Variants in TNFSF8 observed in about 807,000 individuals in gnomAD.
TNFSF8 encodes tumor necrosis factor ligand superfamily member 8.
A neutral mutation model predicts 22.0 loss-of-function variants in TNFSF8; 4 were observed. The observed-to-expected ratio is 0.18, with a 90% confidence interval of 0.09 to 0.42. The LOEUF is 0.42. Among genes scored for constraint, TNFSF8 ranks in the 10% least tolerant of loss-of-function variants. TNFSF8 has a pLI of 1.00. For synonymous variants in TNFSF8, 106 were observed against 112.5 expected, an observed-to-expected ratio of 0.94 and a Z score of 0.37; for missense variants, 233 against 281.8, an observed-to-expected ratio of 0.83 and a Z score of 1.24.
chr9:114,930,286 C>A lies in TNFSF8; in HGVS notation c.18G>T (p.Gln6His). Residue 6 changes from glutamine to histidine, a missense_variant, in exon 1 of 4, where the codon CAG becomes CAT. Transcript: ENST00000223795. MDPGL[Q>H]QALNGMAPPG... ...GAGGGGCCATTCCGTTGAGTGCTTGCTGCAGCCCTGGGTCCATTCTTTATA... is the reference window on the plus strand; with the variant it reads ...GAGGGGCCATTCCGTTGAGTGCTTGATGCAGCCCTGGGTCCATTCTTTATA... 1 of 1,584,972 alleles carries A rather than the reference C, an allele frequency of 6.3e-7. No individual in the cohort carries two copies. Among genetic ancestry groups the A allele is most frequent in the South Asian group, 1.1e-5 (1 of 87,814 alleles).
At position 114,903,825 on chromosome 9, in the gene TNFSF8, G is replaced by C; in HGVS notation, c.*106C>G. ...GGAGAAGTATACTATTTAATACCCT[G>C]TGTAGTTTGTCTTGGTCTAAAGTTT... On this transcript the variant is annotated 3_prime_UTR_variant, in exon 4 of 4. Transcript: ENST00000223795. 12 of 1,509,260 alleles carry C rather than the reference G, an allele frequency of 8.0e-6. No homozygotes were observed. Among genetic ancestry groups the C allele is most frequent in the Non-Finnish European group, 9.7e-6 (11 of 1,136,722 alleles). The allele number at this position is 1,509,260 out of a possible 1,614,324, so 93.5% of individuals were successfully genotyped here.
In TNFSF8 at chr9:114,903,372, GA is replaced by G. The variant is rs1468817799; in HGVS notation, c.*558del. On this transcript the variant is annotated 3_prime_UTR_variant, in exon 4 of 4. Coordinates refer to ENST00000223795, the MANE Select transcript of TNFSF8 (RefSeq NM_001244.4). ...CCTCCTAGTGCCAGAGTGACAGTCA[GA>G]CAGGCATAAACTGGGCATGGTTCAG... 6.6e-6 allele frequency: 1 copy of G among 152,406 alleles called. No individual in the cohort carries two copies. The highest frequency in any genetic ancestry group is 1.5e-5 in the Non-Finnish European group (1 of 68,224). 9.4% of individuals were successfully genotyped at this position (152,406 alleles called of 1,614,324 possible).
At chr9:114,921,121 T>G (rs1396592367) in intron 1 of TNFSF8, among the ~76,000 whole-genome samples, 1 of 152,216 alleles carries the variant, frequency 6.6e-6, no homozygotes, top group African/African-American at 2.4e-5. Context: ...GTCACTTGAA[T>G]GCATTCTGGT....
At position 114,902,922 on chromosome 9, in the gene TNFSF8, T is replaced by C. The variant is rs910626845; in HGVS notation, c.*1009A>G. 3.9e-5 allele frequency: 9 copies of C among 233,684 alleles called. No individual in the cohort carries two copies. The highest frequency in any genetic ancestry group is 2.1e-4 in the African/African-American group (9 of 42,958). 14.5% of individuals were successfully genotyped at this position (233,684 alleles called of 1,614,324 possible). Reference sequence around the variant, plus strand: ...TTCTCATACCAGAAGCCGGGCTTAGTCACCCTTGATATGGGTTTCTGGTTC... The same window carrying C: ...TTCTCATACCAGAAGCCGGGCTTAGCCACCCTTGATATGGGTTTCTGGTTC... On this transcript the variant is annotated 3_prime_UTR_variant, in exon 4 of 4. Coordinates refer to ENST00000223795, the MANE Select transcript of TNFSF8 (RefSeq NM_001244.4).
In TNFSF8 at chr9:114,917,491, G is replaced by A. The variant is rs145414489; in HGVS notation, c.238+605C>T. 5.6e-3 allele frequency among the ~76,000 whole-genome samples: 857 copies of A among 152,206 alleles called. 17 individuals carry two copies. Among genetic ancestry groups the A allele is most frequent in the African/African-American group, 0.019 (791 of 41,534 alleles). ...CTCATCATCGATGTTAACTGAACTC[G>A]GCATATCATCTCTCTGAGGCTAGTA... On this transcript the variant is annotated intron_variant, in intron 2 of 3. Coordinates refer to ENST00000223795, the MANE Select transcript of TNFSF8 (RefSeq NM_001244.4).
At chr9:114,899,140 A>G (rs1046944315), downstream of TNFSF8, among the ~76,000 whole-genome samples, 3 of 152,188 alleles carry the variant, frequency 2.0e-5, no homozygotes, top group Admixed American at 1.3e-4. Flanking sequence ...TGTCCTTGCT[A>G]GCTGGATGGA....
At chr9:114,893,580 T>C (rs1827626341) in exon 5 of TNFSF8, 1 of 164,274 alleles carries the variant, frequency 6.1e-6, no homozygotes, top group African/African-American at 2.4e-5. Context: ...TCATTTAATC[T>C]TTCATTTAAT....
chr9:114,924,861 C>T (rs1267831342), intron 1 of TNFSF8, among the ~76,000 whole-genome samples: 1 of 152,166 alleles, frequency 6.6e-6, no homozygotes, highest in African/African-American at 2.4e-5. Flanking sequence ...AGGGTCTTGC[C>T]CCTTCCACTG....
intron 1 of TNFSF8, among the ~76,000 whole-genome samples, chr9:114,922,072 C>G (rs1827995644): frequency 6.6e-6 from 1 of 152,040 alleles, no homozygotes; most frequent in Admixed American, 6.5e-5. Context: ...CATCTTTCCA[C>G]TGGGTTATTG....
chr9:114,897,027 C>T (rs1367332729), downstream of TNFSF8, among the ~76,000 whole-genome samples: 4 of 152,150 alleles, frequency 2.6e-5, no homozygotes, highest in South Asian at 2.1e-4. Context: ...CTCAGCCTCC[C>T]GAGTAGCTGG....
chr9:114,898,276 A>G (rs1827677930), downstream of TNFSF8, among the ~76,000 whole-genome samples: 1 of 152,184 alleles, frequency 6.6e-6, no homozygotes, highest in South Asian at 2.1e-4. Context: ...TGCTGGGATT[A>G]CAGGCCTGAG....
intron 1 of TNFSF8, among the ~76,000 whole-genome samples, chr9:114,923,776 C>A (rs1828022795): frequency 6.6e-6 from 1 of 152,078 alleles, no homozygotes; most frequent in Non-Finnish European, 1.5e-5. Flanking sequence ...CCTTTGCCTC[C>A]CAAAGTGTTG....
chr9:114,895,027 A>C (rs930424233), intron 4 of TNFSF8, among the ~76,000 whole-genome samples: 3 of 152,196 alleles, frequency 2.0e-5, no homozygotes, highest in African/African-American at 7.2e-5. Flanking sequence ...CAGAATGTCA[A>C]GGAGGTTAGG....
downstream of TNFSF8, among the ~76,000 whole-genome samples, chr9:114,900,676 T>C (rs955348828): frequency 2.0e-5 from 3 of 152,110 alleles, no homozygotes; most frequent in African/African-American, 7.2e-5. Flanking sequence ...ACATGGTCAA[T>C]ATATGATTCA....
intron 1 of TNFSF8, among the ~76,000 whole-genome samples, chr9:114,926,943 A>G (rs1828068565): frequency 6.8e-6 from 1 of 147,370 alleles, no homozygotes. Flanking sequence ...TCAATATATT[A>G]TAAAATATTA....
intron 2 of TNFSF8, among the ~76,000 whole-genome samples, chr9:114,917,231 T>G (rs1034109480): frequency 2.0e-5 from 3 of 152,218 alleles, no homozygotes; most frequent in African/African-American, 7.2e-5. Context: ...TACTTTTTGC[T>G]CTGAGCTTTC....
Position 114,930,424 on chromosome 9 carries a change from A to G in TNFSF8, c.-121T>C. On this transcript the variant is annotated 5_prime_UTR_variant, in exon 1 of 4. Transcript: ENST00000223795. ...CCTGAATCATGTGACTTGGAAAAAAACCTTCACCTGCTGCCTGGTGGAGAA... is the reference window on the plus strand; with the variant it reads ...CCTGAATCATGTGACTTGGAAAAAAGCCTTCACCTGCTGCCTGGTGGAGAA... 1 of 802,010 alleles carries G rather than the reference A, an allele frequency of 1.2e-6. No homozygotes were observed. Among genetic ancestry groups the G allele is most frequent in the Non-Finnish European group, 1.7e-6 (1 of 573,992 alleles). 49.7% of individuals were successfully genotyped at this position (802,010 alleles called of 1,614,324 possible). A position where few individuals can be genotyped will look rare whatever the true frequency, so the allele number is the denominator to read the frequency against.
chr9:114,929,589 G>A (rs1828109658), intron 1 of TNFSF8, among the ~76,000 whole-genome samples: 1 of 151,908 alleles, frequency 6.6e-6, no homozygotes, highest in Non-Finnish European at 1.5e-5. Context: ...AAACCTCCAG[G>A]ACACTCAGAC....
At chr9:114,929,288 G>A (rs566349450) in intron 1 of TNFSF8, among the ~76,000 whole-genome samples, 161 of 151,626 alleles carry the variant, frequency 1.1e-3, no homozygotes, top group African/African-American at 3.8e-3. Context: ...CGATTGCTTA[G>A]TATTGTGAGG....
Sources: allele counts gnomAD v4.1 joint callset (sites outside exome capture counted in the v4.1 genomes callset), GRCh38; gene constraint gnomAD v4.1.1; transcripts MANE v1.5; gene names NCBI Gene and HGNC (gene_info 2026-07-23, HGNC 2026-07-21).